Variants in TRIM4 observed in about 807,000 individuals in gnomAD.
The protein encoded by TRIM4 is tripartite motif containing 4.
In TRIM4, 29 loss-of-function variants were observed where a neutral mutation model predicts 33.7. The observed-to-expected ratio is 0.86, with a 90% CI of 0.64 to 1.17. The LOEUF is 1.17. TRIM4 is among the 50% of genes most tolerant of loss of function. The pLI is 0.00. For missense variants in TRIM4, 554 were observed against 593.7 expected, an observed-to-expected ratio of 0.93 and a Z score of 0.69; for synonymous variants, 224 against 233.0, an observed-to-expected ratio of 0.96 and a Z score of 0.35.
intron 3 of TRIM4, among the ~76,000 whole-genome samples, chr7:99,904,957 G>A (rs1819263444): frequency 1.3e-5 from 2 of 151,984 alleles, no homozygotes; most frequent in South Asian, 2.1e-4. Context: ...GCTTGAACCT[G>A]GGGGGCGAAG....
At chr7:99,916,773 T>C (rs756210577) in intron 1 of TRIM4, 2 of 780,898 alleles carry the variant, frequency 2.6e-6, no homozygotes, top group African/African-American at 3.4e-5. Context: ...ATGTCAAAGT[T>C]ACCTGTCTAA....
At chr7:99,904,155 ATG>A (rs1819241695) in intron 3 of TRIM4, among the ~76,000 whole-genome samples, 2 of 152,206 alleles carry the variant, frequency 1.3e-5, no homozygotes, top group African/African-American at 4.8e-5. Flanking sequence ...AAGCCATGAA[ATG>A]AAACAGTAGA....
chr7:99,900,282 C>T (rs1819129269), intron 5 of TRIM4, among the ~76,000 whole-genome samples: 1 of 151,880 alleles, frequency 6.6e-6, no homozygotes, highest in East Asian at 1.9e-4. Flanking sequence ...AAGGTCAAGC[C>T]TTTTTTTTCT....
intron 5 of TRIM4, among the ~76,000 whole-genome samples, chr7:99,894,784 T>G (rs1818980481): frequency 6.6e-6 from 1 of 152,230 alleles, no homozygotes; most frequent in African/African-American, 2.4e-5. Flanking sequence ...ATCTCTATCT[T>G]CATGAGTCAG....
At chr7:99,916,535 G>A (rs1819559053) in intron 1 of TRIM4, among the ~76,000 whole-genome samples, 1 of 152,142 alleles carries the variant, frequency 6.6e-6, no homozygotes, top group South Asian at 2.1e-4. Flanking sequence ...TAACCTGACA[G>A]TCATCTACCT....
chr7:99,902,029 G>C (rs1819184585), intron 5 of TRIM4: 2 of 728,834 alleles, frequency 2.7e-6, no homozygotes, highest in South Asian at 1.4e-5. Context: ...AACTCCCTCA[G>C]GCAGAGGGTA....
chr7:99,906,157 T>G (rs1367835455), intron 3 of TRIM4, among the ~76,000 whole-genome samples: 4 of 150,186 alleles, frequency 2.7e-5, no homozygotes, highest in African/African-American at 4.9e-5. Flanking sequence ...AAAAAAAAAG[T>G]AAAAAAAAAT....
intron 1 of TRIM4, chr7:99,917,820 G>A (rs1478911534): frequency 5.1e-6 from 5 of 985,208 alleles, no homozygotes; most frequent in Non-Finnish European, 6.0e-6. Flanking sequence ...ATCAGTAATG[G>A]GAGGGGGTGG....
intron 1 of TRIM4, among the ~76,000 whole-genome samples, chr7:99,918,765 C>T (rs1383979875): frequency 2.0e-5 from 3 of 152,144 alleles, no homozygotes; most frequent in African/African-American, 7.2e-5. Context: ...ATTATGAGCT[C>T]CCCAAGGGCC....
intron 3 of TRIM4, among the ~76,000 whole-genome samples, chr7:99,903,814 C>T (rs1021985024): frequency 2.6e-5 from 4 of 152,314 alleles, no homozygotes; most frequent in Middle Eastern, 3.4e-3. Flanking sequence ...CCTCTTTCTC[C>T]TTTGGCACTA....
chr7:99,918,580 AT>A (rs1195298670), intron 1 of TRIM4, among the ~76,000 whole-genome samples: 2 of 151,934 alleles, frequency 1.3e-5, no homozygotes, highest in African/African-American at 4.8e-5. Flanking sequence ...AAAAAAAAAA[AT>A]CTCATTGATA....
intron 3 of TRIM4, 164 bp downstream of exon 3, chr7:99,908,418 T>C: frequency 1.6e-6 from 1 of 616,606 alleles, no homozygotes; most frequent in East Asian, 2.6e-5. Flanking sequence ...ATTAATTTCC[T>C]TTGAATGGTG....
chr7:99,904,280 T>C (rs973989034), intron 3 of TRIM4, among the ~76,000 whole-genome samples: 2 of 152,080 alleles, frequency 1.3e-5, no homozygotes, highest in Admixed American at 1.3e-4. Context: ...CAAAAACCTG[T>C]AACTCAGCCT....
At chr7:99,905,373 A>G (rs1356149374) in intron 3 of TRIM4, among the ~76,000 whole-genome samples, 1 of 152,276 alleles carries the variant, frequency 6.6e-6, no homozygotes, top group Non-Finnish European at 1.5e-5. Context: ...ACAGGTATAC[A>G]ACTGATAGAA....
intron 1 of TRIM4, among the ~76,000 whole-genome samples, chr7:99,912,975 A>G (rs1819478806): frequency 6.6e-6 from 1 of 152,224 alleles, no homozygotes; most frequent in South Asian, 2.1e-4. Flanking sequence ...ACTTTATTCA[A>G]TTATAACTGC....
intron 1 of TRIM4, among the ~76,000 whole-genome samples, chr7:99,915,640 G>A (rs1819539714): frequency 6.6e-6 from 1 of 152,182 alleles, no homozygotes; most frequent in African/African-American, 2.4e-5. Flanking sequence ...ACTAACTTGG[G>A]GTGGGGATGG....
chr7:99,913,205 G>GT (rs1357965373), intron 1 of TRIM4, among the ~76,000 whole-genome samples: 1 of 152,110 alleles, frequency 6.6e-6, no homozygotes, highest in Non-Finnish European at 1.5e-5. Flanking sequence ...CTCTACCCAA[G>GT]TTTTTTTCAA....
At chr7:99,913,697 A>AT (rs1727787112) in intron 1 of TRIM4, among the ~76,000 whole-genome samples, 1 of 150,416 alleles carries the variant, frequency 6.6e-6, no homozygotes, top group South Asian at 2.1e-4. Context: ...AAATAAATAA[A>AT]AATAATAATT....
At chr7:99,901,926 C>T (rs980251730) in intron 5 of TRIM4, 1 of 596,732 alleles carries the variant, frequency 1.7e-6, no homozygotes, top group East Asian at 2.8e-5. Context: ...CGAACTCTCA[C>T]TACTTTGTTC....
Sources: allele counts gnomAD v4.1 joint callset (sites outside exome capture counted in the v4.1 genomes callset), GRCh38; gene constraint gnomAD v4.1.1; transcripts MANE v1.5; gene names NCBI Gene and HGNC (gene_info 2026-07-23, HGNC 2026-07-21).